The following CDKL5 variants were observed in gnomAD, a reference collection of about 807,000 sequenced individuals.
The protein encoded by CDKL5 is cyclin-dependent kinase-like 5.
CDKL5 carries 8 observed loss-of-function variants against 61.7 expected under a neutral mutation model. That is an observed-to-expected ratio of 0.13 (90% CI 0.08 to 0.23). CDKL5 has a LOEUF of 0.23. Ranked by LOEUF, CDKL5 falls within the 10% of genes least tolerant of loss-of-function variation. CDKL5 has a pLI of 1.00. For synonymous variants in CDKL5, 275 were observed against 272.3 expected (o/e 1.01, Z -0.10); for missense variants, 440 against 734.5 (o/e 0.60, Z 4.63).
In CDKL5 at chrX:18,630,860, A is replaced by T; in HGVS notation, c.*2103A>T. ...TCTGGCTTTTCCAGGCAGCTGCTTG[A>T]TGATACAAATGAGGTGGACCATCAG... On this transcript the variant is annotated 3_prime_UTR_variant, in exon 18 of 18. Transcript: ENST00000623535. 1.3e-6 allele frequency: 1 copy of T among 750,062 alleles called. No individual in the cohort carries two copies. Among genetic ancestry groups the T allele is most frequent in the Non-Finnish European group, 1.6e-6 (1 of 638,075 alleles). The allele number at this position is 750,062 out of a possible 1,213,427, so 61.8% of individuals were successfully genotyped here.
At chrX:18,509,091 AACACACACACACACAC>A (rs34278137) in intron 2 of CDKL5, among the ~76,000 whole-genome samples, 1 of 74,880 alleles carries the variant, frequency 1.3e-5, no homozygotes. Context: ...ACTGTCTCAA[AACACACACACACACAC>A]ACACACACAC....
At chrX:18,596,167 C>T (rs1040603769) in intron 10 of CDKL5, among the ~76,000 whole-genome samples, 41 of 111,677 alleles carry the variant, frequency 3.7e-4, no homozygotes, top group African/African-American at 1.3e-3. Context: ...TATGCCCAGT[C>T]AGTCAACTGT....
At chrX:18,519,405 C>T (rs955703135) in intron 3 of CDKL5, among the ~76,000 whole-genome samples, 7 of 111,800 alleles carry the variant, frequency 6.3e-5, no homozygotes, top group African/African-American at 2.3e-4. Flanking sequence ...AGCGTAGTGG[C>T]CTTAGTGAAC....
intron 1 of CDKL5, among the ~76,000 whole-genome samples, chrX:18,489,693 CA>C (rs1921921921): frequency 9.0e-6 from 1 of 110,859 alleles, no homozygotes; most frequent in African/African-American, 3.3e-5. Flanking sequence ...CTTTCTGGAC[CA>C]AACCAATGTA....
At chrX:18,578,078 G>A (rs1397675676) in intron 5 of CDKL5, among the ~76,000 whole-genome samples, 1 of 111,700 alleles carries the variant, frequency 9.0e-6, no homozygotes, top group Non-Finnish European at 1.9e-5. Context: ...CATCTTTAAG[G>A]TAAAGCAAAT....
intron 1 of CDKL5, among the ~76,000 whole-genome samples, chrX:18,474,360 A>G (rs1242337138): frequency 9.0e-6 from 1 of 111,338 alleles, no homozygotes; most frequent in Non-Finnish European, 1.9e-5. Flanking sequence ...TCCTATTTTC[A>G]TCTCTGTTGC....
At chrX:18,520,752 T>G (rs1193729689) in intron 3 of CDKL5, among the ~76,000 whole-genome samples, 1 of 111,657 alleles carries the variant, frequency 9.0e-6, no homozygotes, top group African/African-American at 3.3e-5. Context: ...CTCCTCCTTC[T>G]CCTCCTCCTC....
chrX:18,566,920 T>C (rs1924988334), intron 4 of CDKL5, among the ~76,000 whole-genome samples: 1 of 111,272 alleles, frequency 9.0e-6, no homozygotes, highest in Non-Finnish European at 1.9e-5. Flanking sequence ...CATGCAGCCT[T>C]ATCACCCACC....
At position 18,509,091 on chromosome X, in the gene CDKL5, AACACAC is replaced by A. The variant is rs34278137; in HGVS notation, c.65-1697_65-1692del. 5.8e-3 allele frequency among the ~76,000 whole-genome samples: 436 copies of A among 74,863 alleles called. 3 individuals are homozygous for A. The highest frequency in any genetic ancestry group is 0.021 in the Middle Eastern group (3 of 142). The allele number at this position is 74,863 out of a possible 115,157, so 65.0% of individuals were successfully genotyped here. On this transcript the variant is annotated intron_variant, in intron 2 of 17. Coordinates refer to ENST00000623535, the MANE Select transcript of CDKL5 (RefSeq NM_001323289.2). The stretch of plus-strand genomic sequence containing the variant: ...TGATGAGAGAGCGAGACTGTCTCAA[AACACAC>A]ACACACACACACACACACACACACA...
At chrX:18,430,740 C>T (rs976191351) in intron 1 of CDKL5, among the ~76,000 whole-genome samples, 7 of 111,045 alleles carry the variant, frequency 6.3e-5, no homozygotes, top group Non-Finnish European at 1.1e-4. Flanking sequence ...CCACTGCGCC[C>T]ACCGCTTGTT....
chrX:18,568,331 A>T (rs1925035836), intron 4 of CDKL5, among the ~76,000 whole-genome samples: 1 of 112,521 alleles, frequency 8.9e-6, no homozygotes. Flanking sequence ...TTGTTAGACT[A>T]CTATTTAGTT....
downstream of CDKL5, chrX:18,641,927 C>T (rs1927590251): frequency 1.9e-6 from 2 of 1,072,644 alleles, no homozygotes; most frequent in Non-Finnish European, 2.6e-6. Context: ...CTGTCCATCT[C>T]GGTGGTGTGT....
intron 3 of CDKL5, among the ~76,000 whole-genome samples, chrX:18,545,084 C>A (rs1451316612): frequency 2.7e-5 from 3 of 110,095 alleles, no homozygotes; most frequent in African/African-American, 9.9e-5. Flanking sequence ...AAAAATTAGC[C>A]TTGTGTGGTG....
intron 1 of CDKL5, among the ~76,000 whole-genome samples, chrX:18,486,211 T>C (rs775453765): frequency 1.8e-5 from 2 of 112,126 alleles, no homozygotes; most frequent in South Asian, 7.3e-4. Context: ...CTTTACCCAT[T>C]TTGTCTATCA....
exon 22 of CDKL5, chrX:18,653,625 A>C: frequency 9.1e-7 from 1 of 1,100,739 alleles, no homozygotes; most frequent in Non-Finnish European, 1.2e-6. Context: ...TGAATCAACC[A>C]TTAACGCTGA....
At chrX:18,438,134 C>T (rs1931650409) in intron 1 of CDKL5, among the ~76,000 whole-genome samples, 1 of 111,132 alleles carries the variant, frequency 9.0e-6, no homozygotes, top group Non-Finnish European at 1.9e-5. Context: ...GGCGCAATCT[C>T]GGCTCACTGC....
intron 3 of CDKL5, among the ~76,000 whole-genome samples, chrX:18,536,441 T>G (rs988606647): frequency 8.9e-5 from 6 of 67,564 alleles, no homozygotes; most frequent in Admixed American, 1.7e-4. Flanking sequence ...GGTTTTTTTT[T>G]TTTTTTTTTT....
chrX:18,587,051 A>G lies in CDKL5; in HGVS notation c.555-903A>G, dbSNP rs759551085. 3.6e-5 allele frequency among the ~76,000 whole-genome samples: 4 copies of G among 112,333 alleles called. No homozygotes were observed. In the Admixed American group the frequency reaches 3.8e-4, roughly 11 times the overall value. ...TTTAAAAGTTTTGTTTCACTACTGT[A>G]TCATTTTAGCATTCCAAAATTTCTT... On this transcript the variant is annotated intron_variant, in intron 8 of 17. Coordinates refer to ENST00000623535, the MANE Select transcript of CDKL5 (RefSeq NM_001323289.2).
chrX:18,652,168 G>C (rs1602317131), intron 21 of CDKL5, among the ~76,000 whole-genome samples: 1 of 111,271 alleles, frequency 9.0e-6, no homozygotes, highest in East Asian at 2.8e-4. Context: ...GTATTGACTG[G>C]ACAGATGGAT....
Sources: gnomAD v4.1 joint callset for allele counts (sites outside exome capture counted in the v4.1 genomes callset) on GRCh38, gnomAD v4.1.1 for gene constraint, MANE v1.5 for transcripts, NCBI Gene and HGNC (gene_info 2026-07-23, HGNC 2026-07-21) for gene names.